PDZD8: variants seen among roughly 807,000 people sequenced by gnomAD.
PDZD8 encodes the protein PDZ domain-containing protein 8.
PDZD8 carries 14 observed loss-of-function variants against 85.8 expected under a neutral mutation model. That is an observed-to-expected ratio of 0.16 (90% CI 0.11 to 0.26). The LOEUF (loss-of-function observed/expected upper bound fraction) is 0.26. Among genes scored for constraint, PDZD8 ranks in the 10% least tolerant of loss-of-function variants. The pLI, the probability that PDZD8 is intolerant of heterozygous loss-of-function variation, is 1.00. For synonymous variants in PDZD8, 592 were observed against 568.6 expected, an observed-to-expected ratio of 1.04 and a Z score of -0.59; for missense variants, 1,197 against 1,424.3, an observed-to-expected ratio of 0.84 and a Z score of 2.57.
At chr10:117,356,389 C>T (rs893282665) in intron 1 of PDZD8, among the ~76,000 whole-genome samples, 11 of 152,052 alleles carry the variant, frequency 7.2e-5, no homozygotes, top group Non-Finnish European at 1.2e-4. Flanking sequence ...GCAAGACACA[C>T]GAATAATAAT....
intron 4 of PDZD8, among the ~76,000 whole-genome samples, chr10:117,287,939 A>G (rs538208094): frequency 1.3e-5 from 2 of 152,242 alleles, no homozygotes; most frequent in African/African-American, 4.8e-5. Flanking sequence ...ATGAAAAATT[A>G]GTCCATCTAA....
chr10:117,295,911 A>G (rs982511470), intron 3 of PDZD8, among the ~76,000 whole-genome samples: 2 of 152,162 alleles, frequency 1.3e-5, no homozygotes, highest in Non-Finnish European at 2.9e-5. Context: ...TTTGTTTTAT[A>G]ACTCAGATCA....
intron 3 of PDZD8, among the ~76,000 whole-genome samples, chr10:117,293,781 T>C (rs1352381170): frequency 6.6e-6 from 1 of 152,150 alleles, no homozygotes; most frequent in Admixed American, 6.5e-5. Flanking sequence ...TTTTCAAGTG[T>C]ACATGGTAAG....
At chr10:117,333,453 G>A (rs911031742) in intron 2 of PDZD8, among the ~76,000 whole-genome samples, 1 of 152,008 alleles carries the variant, frequency 6.6e-6, no homozygotes, top group Non-Finnish European at 1.5e-5. Context: ...TAAAATAAAG[G>A]CAGGTAATAT....
At chr10:117,351,310 A>G (rs549877961) in intron 1 of PDZD8, among the ~76,000 whole-genome samples, 13 of 152,364 alleles carry the variant, frequency 8.5e-5, no homozygotes, top group Non-Finnish European at 1.6e-4. Flanking sequence ...CACAGCAAAT[A>G]TAATGAACAA....
chr10:117,373,879 A>G lies in PDZD8; in HGVS notation c.872+477T>C, dbSNP rs1479998016. Among the ~76,000 whole-genome samples, 5 of 152,340 alleles carry G rather than the reference A, an allele frequency of 3.3e-5. No homozygotes were observed. The East Asian group carries it at 7.7e-4, about 24-fold the overall frequency. ...ACCATCAAAGCAAAAGTGGCTTGCA[A>G]TGTCAAATTAGCACAGACCTGGGCT... On this transcript the variant is annotated intron_variant, in intron 1 of 4. Coordinates refer to ENST00000334464, the MANE Select transcript of PDZD8 (RefSeq NM_173791.5).
chr10:117,315,027 T>TA (rs958133761), intron 3 of PDZD8, among the ~76,000 whole-genome samples: 66 of 152,258 alleles, frequency 4.3e-4, no homozygotes, highest in African/African-American at 1.4e-3. Flanking sequence ...AATGAAAGAA[T>TA]AGGTGGGTGT....
At chr10:117,289,241 C>T (rs363301) in intron 4 of PDZD8, among the ~76,000 whole-genome samples, 4,818 of 152,276 alleles carry the variant, frequency 0.032, 84 homozygotes, top group South Asian at 0.039. Context: ...CTTAATTGGG[C>T]TCCCAGATAT....
chr10:117,332,470 C>T (rs889442287), intron 2 of PDZD8, among the ~76,000 whole-genome samples: 3 of 147,970 alleles, frequency 2.0e-5, no homozygotes, highest in African/African-American at 7.5e-5. Context: ...TAAAAGTTTT[C>T]AGAACCAAAA....
chr10:117,290,109 G>C (rs1044693717), intron 4 of PDZD8, 77 bp downstream of exon 4: 2 of 1,277,536 alleles, frequency 1.6e-6, no homozygotes, highest in Admixed American at 5.2e-5. Context: ...TAAGGAAAAA[G>C]GAAGAAAGGA....
intron 1 of PDZD8, among the ~76,000 whole-genome samples, chr10:117,344,399 T>G (rs548661661): frequency 6.6e-6 from 1 of 152,192 alleles, no homozygotes; most frequent in African/African-American, 2.4e-5. Flanking sequence ...TTATTTTTTA[T>G]TTTTTTGAGA....
At chr10:117,329,863 T>C (rs963220763) in intron 2 of PDZD8, among the ~76,000 whole-genome samples, 11 of 150,646 alleles carry the variant, frequency 7.3e-5, no homozygotes, top group Non-Finnish European at 1.5e-4. Flanking sequence ...GGAGGATTGC[T>C]TGAGCCTGGC....
At chr10:117,338,043 T>A (rs1844547592) in intron 2 of PDZD8, among the ~76,000 whole-genome samples, 1 of 152,158 alleles carries the variant, frequency 6.6e-6, no homozygotes. Context: ...ACTATTGAAA[T>A]AAAAATGCTT....
At chr10:117,367,478 T>G (rs946724167) in intron 1 of PDZD8, among the ~76,000 whole-genome samples, 1 of 152,146 alleles carries the variant, frequency 6.6e-6, no homozygotes, top group African/African-American at 2.4e-5. Context: ...CCTCAATGAA[T>G]AAATCAAATT....
chr10:117,303,984 C>G (rs1387156657), intron 3 of PDZD8, among the ~76,000 whole-genome samples: 1 of 152,230 alleles, frequency 6.6e-6, no homozygotes, highest in African/African-American at 2.4e-5. Context: ...CACACAGAGT[C>G]TCTACCAGGG....
In PDZD8 at chr10:117,278,629, C is replaced by T. The variant is rs758357285; in HGVS notation, c.*4639G>A. 2.0e-5 allele frequency: 3 copies of T among 151,776 alleles called. No homozygotes were observed. The highest frequency in any genetic ancestry group is 4.9e-5 in the African/African-American group (2 of 41,220). 9.4% of individuals were successfully genotyped at this position (151,776 alleles called of 1,614,324 possible). The stretch of plus-strand genomic sequence containing the variant: ...ATCATAAACAAAAATTACTTAGTTT[C>T]GTTAAGCTAAGATTGTGTTTGTGTT... On this transcript the variant is annotated 3_prime_UTR_variant, in exon 5 of 5. Coordinates refer to ENST00000334464, the MANE Select transcript of PDZD8 (RefSeq NM_173791.5).
chr10:117,286,740 A>G (rs570162594), intron 4 of PDZD8, among the ~76,000 whole-genome samples: 1 of 152,000 alleles, frequency 6.6e-6, no homozygotes, highest in Non-Finnish European at 1.5e-5. Context: ...CTTCTATCCA[A>G]CCCTGTGTCT....
At position 117,284,391 on chromosome 10, in the gene PDZD8, T is replaced by C. The variant is rs1426831382; in HGVS notation, c.2342A>G (p.Asn781Ser). 6 of 1,614,104 alleles carry C rather than the reference T, an allele frequency of 3.7e-6. No homozygotes were observed. The highest frequency in any genetic ancestry group is 5.1e-6 in the Non-Finnish European group (6 of 1,180,036). The change falls in exon 5 of 5, where the codon AAT (asparagine) becomes AGT (serine). Residue 781 changes from asparagine to serine, a missense_variant. This residue lies in a region of PDZD8 where 418 missense variants were observed against 571.1 expected (regional missense o/e 0.73). Coordinates refer to ENST00000334464, the MANE Select transcript of PDZD8 (RefSeq NM_173791.5). ...AATGTCACCATAGCAAAATTTGTCA[T>C]TGAATCCCTTTTGCATACTCAGATT... ...LRNLSMQKGF[N>S]DKFCYGDITI...
chr10:117,322,335 C>T (rs541632815), intron 2 of PDZD8, among the ~76,000 whole-genome samples: 35 of 152,268 alleles, frequency 2.3e-4, no homozygotes, highest in South Asian at 1.7e-3. Flanking sequence ...GCTGACCCCC[C>T]TTTTGGATCC....
Sources: gnomAD v4.1 joint callset for allele counts (sites outside exome capture counted in the v4.1 genomes callset) on GRCh38, gnomAD v4.1.1 for gene constraint, gnomAD v4.1.1 regional missense constraint, MANE v1.5 for transcripts, NCBI Gene and HGNC (gene_info 2026-07-23, HGNC 2026-07-21) for gene names.